The following PKIG variants were observed in gnomAD, a reference collection of about 807,000 sequenced individuals.
The protein encoded by PKIG is protein kinase (cAMP-dependent, catalytic) inhibitor gamma.
A neutral mutation model predicts 6.8 loss-of-function variants in PKIG; 1 was observed. The observed-to-expected ratio is 0.15, with a 90% CI of 0.05 to 0.69. The LOEUF is 0.69. PKIG is among the 30% of genes least tolerant of loss of function. PKIG has a pLI of 0.82. For synonymous variants in PKIG, 39 were observed against 43.0 expected, an observed-to-expected ratio of 0.91 and a Z score of 0.36; for missense variants, 77 against 104.0, an observed-to-expected ratio of 0.74 and a Z score of 1.13.
chr20:44,601,260 C>G (rs1262350142), intron 2 of PKIG, among the ~76,000 whole-genome samples: 1 of 152,250 alleles, frequency 6.6e-6, no homozygotes, highest in Non-Finnish European at 1.5e-5. Context: ...GGGTCTAGGC[C>G]TGGCAGGTGC....
intron 1 of PKIG, among the ~76,000 whole-genome samples, chr20:44,542,074 G>A (rs968838757): frequency 1.3e-5 from 2 of 152,112 alleles, no homozygotes; most frequent in South Asian, 4.1e-4. Flanking sequence ...TGATATTTCC[G>A]GGGAGGCTAA....
intron 2 of PKIG, among the ~76,000 whole-genome samples, chr20:44,601,695 G>A (rs1475853461): frequency 6.6e-6 from 1 of 152,156 alleles, no homozygotes; most frequent in Non-Finnish European, 1.5e-5. Flanking sequence ...CATAAGACCA[G>A]GTCCCACTTC....
At chr20:44,602,872 A>G (rs2123433567) in intron 2 of PKIG, among the ~76,000 whole-genome samples, 1 of 150,260 alleles carries the variant, frequency 6.7e-6, no homozygotes. Context: ...GAAGACTTGG[A>G]GATCATATTT....
intron 1 of PKIG, among the ~76,000 whole-genome samples, chr20:44,555,626 A>G (rs1035174459): frequency 6.6e-6 from 1 of 152,188 alleles, no homozygotes; most frequent in East Asian, 1.9e-4. Context: ...CATCCTGTTC[A>G]TACTCTGAAA....
intron 1 of PKIG, among the ~76,000 whole-genome samples, chr20:44,569,097 C>T (rs1035230018): frequency 4.6e-5 from 7 of 152,152 alleles, no homozygotes; most frequent in Non-Finnish European, 1.0e-4. Context: ...CCCATGTCCC[C>T]CCTACATTTT....
At chr20:44,592,009 C>T (rs73298312) in intron 2 of PKIG, among the ~76,000 whole-genome samples, 10,636 of 152,164 alleles carry the variant, frequency 0.07, 404 homozygotes, top group South Asian at 0.15. Flanking sequence ...AAACACTGAC[C>T]GAAGGCCAGG....
At chr20:44,610,841 C>T (rs775620779) in intron 2 of PKIG, among the ~76,000 whole-genome samples, 15 of 151,920 alleles carry the variant, frequency 9.9e-5, no homozygotes, top group Admixed American at 2.0e-4. Context: ...TGTCCTATGT[C>T]AGTACAGGCC....
chr20:44,615,601 C>T (rs368916896), intron 3 of PKIG, among the ~76,000 whole-genome samples: 5 of 152,116 alleles, frequency 3.3e-5, no homozygotes, highest in East Asian at 1.9e-4. Context: ...GACCCCTGCA[C>T]GGCTGAGGCC....
chr20:44,540,208 G>T (rs2064548831), intron 1 of PKIG, among the ~76,000 whole-genome samples: 2 of 152,110 alleles, frequency 1.3e-5, no homozygotes, highest in South Asian at 4.1e-4. Context: ...TGATCAACCT[G>T]CCTCAGCCTC....
intron 1 of PKIG, among the ~76,000 whole-genome samples, chr20:44,571,506 C>T (rs925387017): frequency 1.3e-5 from 2 of 152,114 alleles, no homozygotes; most frequent in African/African-American, 2.4e-5. Context: ...TACTATAAAC[C>T]GTTGTCTTCA....
At chr20:44,573,539 A>T (rs1186933870) in intron 1 of PKIG, among the ~76,000 whole-genome samples, 2 of 152,188 alleles carry the variant, frequency 1.3e-5, no homozygotes, top group African/African-American at 2.4e-5. Context: ...TGATGAGAAA[A>T]TTTATGTAAA....
chr20:44,546,147 G>A (rs1392323255), intron 1 of PKIG, among the ~76,000 whole-genome samples: 2 of 152,074 alleles, frequency 1.3e-5, no homozygotes, highest in African/African-American at 4.8e-5. Context: ...CTACTCGGAG[G>A]CTGAGGTGGG....
chr20:44,537,032 C>CA (rs1282149813), intron 1 of PKIG, among the ~76,000 whole-genome samples: 1 of 152,126 alleles, frequency 6.6e-6, no homozygotes, highest in Non-Finnish European at 1.5e-5. Context: ...CAGGTTCAAG[C>CA]AATTCTCCTG....
chr20:44,553,567 A>G (rs899682089), intron 1 of PKIG, among the ~76,000 whole-genome samples: 4 of 152,216 alleles, frequency 2.6e-5, no homozygotes, highest in African/African-American at 9.7e-5. Flanking sequence ...TTTATAGATC[A>G]GAATGACTGA....
intron 1 of PKIG, among the ~76,000 whole-genome samples, chr20:44,587,722 G>C (rs548977382): frequency 1.3e-5 from 2 of 152,082 alleles, no homozygotes; most frequent in African/African-American, 4.8e-5. Context: ...TTTTGAATAA[G>C]GGCCTGTCTC....
At position 44,614,899 on chromosome 20, in the gene PKIG, G is replaced by C. The variant is rs1006069663; in HGVS notation, c.151+192G>C. 2 of 602,948 alleles carry C rather than the reference G, an allele frequency of 3.3e-6. No homozygotes were observed. Among genetic ancestry groups the C allele is most frequent in the African/African-American group, 1.9e-5 (1 of 53,640 alleles). The allele number at this position is 602,948 out of a possible 1,614,324, so 37.3% of individuals were successfully genotyped here. ...AGATGTTTGAGTCTCAGGCCCCAAG[G>C]ACTCCTCTGGACAGGCATCCGGGAC... On this transcript the variant is annotated intron_variant, in intron 3 of 3. Coordinates refer to ENST00000372886, the MANE Select transcript of PKIG (RefSeq NM_001281445.2). The surrounding 1 kb of genome is among the most constrained non-coding windows in gnomAD (Gnocchi z 4.6).
intron 1 of PKIG, among the ~76,000 whole-genome samples, chr20:44,550,181 T>G (rs916675482): frequency 6.7e-6 from 1 of 150,292 alleles, no homozygotes; most frequent in Non-Finnish European, 1.5e-5. Flanking sequence ...CATTTAATTC[T>G]CACACAAGCG....
intron 1 of PKIG, among the ~76,000 whole-genome samples, chr20:44,574,606 G>A (rs1171535137): frequency 1.3e-5 from 2 of 151,632 alleles, no homozygotes; most frequent in African/African-American, 4.9e-5. Flanking sequence ...TTGCAATGTC[G>A]CCTGTCACCC....
rs1026944149 is a variant in PKIG, at chr20:44,606,690, G to A, written c.-23-7844G>A. On this transcript the variant is annotated intron_variant, in intron 2 of 3. Transcript: ENST00000372886. ...TGGGCGTGGTGGTGCACACCTGTAA[G>A]CCCAGCTACTTGGGAGGCTGAGGCA... Among the ~76,000 whole-genome samples, 6 of 152,282 alleles carry A rather than the reference G, an allele frequency of 3.9e-5. No homozygotes were observed. The South Asian group carries it at 1.2e-3, about 32-fold the overall frequency.
Sources: allele counts gnomAD v4.1 joint callset (sites outside exome capture counted in the v4.1 genomes callset), GRCh38; gene constraint gnomAD v4.1.1; non-coding constraint Gnocchi (gnomAD v3.1); transcripts MANE v1.5; gene names NCBI Gene and HGNC (gene_info 2026-07-23, HGNC 2026-07-21).